MYT1L: variants seen among roughly 807,000 people sequenced by gnomAD.
MYT1L encodes myelin transcription factor 1-like protein.
Under a neutral mutation model 126.7 loss-of-function variants are expected in MYT1L, and 12 were observed. The ratio of observed to expected loss-of-function variants is 0.09; its 90% confidence interval spans 0.06 to 0.15. MYT1L has a LOEUF of 0.15. Among genes scored for constraint, MYT1L ranks in the 10% least tolerant of loss-of-function variants. MYT1L has a pLI of 1.00. For synonymous variants in MYT1L, 541 were observed against 604.2 expected, an observed-to-expected ratio of 0.90 and a Z score of 1.53; for missense variants, 979 against 1,585.2, an observed-to-expected ratio of 0.62 and a Z score of 6.49.
chr2:2,256,678 T>C (rs1351280892), intron 2 of MYT1L, among the ~76,000 whole-genome samples: 1 of 152,192 alleles, frequency 6.6e-6, no homozygotes, highest in Non-Finnish European at 1.5e-5. Flanking sequence ...TTGGGAATCG[T>C]GTGACAGTAC....
intron 3 of MYT1L, among the ~76,000 whole-genome samples, chr2:2,171,615 T>C (rs1238211250): frequency 6.6e-6 from 1 of 150,948 alleles, no homozygotes; most frequent in African/African-American, 2.4e-5. Flanking sequence ...TTTTTTCTTT[T>C]TGTCGTCGTC....
At chr2:1,834,945 A>G (rs560670400) in intron 21 of MYT1L, among the ~76,000 whole-genome samples, 1 of 114,194 alleles carries the variant, frequency 8.8e-6, no homozygotes, top group East Asian at 3.1e-4. Flanking sequence ...ACTCCTCCAC[A>G]TAACACGGGG....
At chr2:1,861,894 C>T (rs572170683) in intron 18 of MYT1L, among the ~76,000 whole-genome samples, 5 of 145,066 alleles carry the variant, frequency 3.4e-5, no homozygotes, top group South Asian at 2.2e-4. Flanking sequence ...CCTGGATCCT[C>T]CTACAGCCTG....
In MYT1L at chr2:1,886,618, G is replaced by A; in HGVS notation, c.2643-11C>T. On this transcript the variant is annotated splice_polypyrimidine_tract_variant and intron_variant, in intron 17 of 24. Transcript: ENST00000647738. Reference sequence around the variant, plus strand: ...GGGCAGCCAGACAGACTGTAAGACAGGCCGGGACAGGCAGGTCAGTCAACT... The same window carrying A: ...GGGCAGCCAGACAGACTGTAAGACAAGCCGGGACAGGCAGGTCAGTCAACT... The A allele has an allele frequency of 6.5e-7, 1 of 1,543,798 alleles. No individual in the cohort carries two copies. The highest frequency in any genetic ancestry group is 8.7e-7 in the Non-Finnish European group (1 of 1,145,708).
intron 5 of MYT1L, among the ~76,000 whole-genome samples, chr2:1,986,645 C>T (rs979889258): frequency 1.3e-5 from 2 of 152,080 alleles, no homozygotes; most frequent in African/African-American, 4.8e-5. Context: ...ACAGGTTGCC[C>T]AATTTACGTC....
At chr2:2,027,586 A>G (rs550733505) in intron 4 of MYT1L, among the ~76,000 whole-genome samples, 14 of 152,376 alleles carry the variant, frequency 9.2e-5, no homozygotes, top group African/African-American at 3.4e-4. Flanking sequence ...CTAATGTATC[A>G]TAGAAATGCA....
intron 9 of MYT1L, among the ~76,000 whole-genome samples, chr2:1,926,623 T>G (rs936658691): frequency 6.6e-6 from 1 of 152,204 alleles, no homozygotes; most frequent in Non-Finnish European, 1.5e-5. Flanking sequence ...AGTGCAGTGG[T>G]GCGATCTGAG....
intron 5 of MYT1L, among the ~76,000 whole-genome samples, chr2:1,990,520 T>C (rs2149560433): frequency 6.6e-6 from 1 of 152,138 alleles, no homozygotes; most frequent in South Asian, 2.1e-4. Flanking sequence ...TGGAGGGCAG[T>C]GGGGAAGAGT....
chr2:2,291,599 G>T (rs1283902824), intron 1 of MYT1L, among the ~76,000 whole-genome samples: 1 of 152,206 alleles, frequency 6.6e-6, no homozygotes, highest in Non-Finnish European at 1.5e-5. Flanking sequence ...AGAGGAAGCC[G>T]CTCAGTTCTA....
intron 3 of MYT1L, among the ~76,000 whole-genome samples, chr2:2,091,072 T>C (rs953473246): frequency 6.6e-6 from 1 of 152,246 alleles, no homozygotes; most frequent in Non-Finnish European, 1.5e-5. Flanking sequence ...TTCTCCAACC[T>C]TCTGTTAATG....
chr2:2,192,011 C>T (rs1356761990), intron 2 of MYT1L, among the ~76,000 whole-genome samples: 1 of 152,216 alleles, frequency 6.6e-6, no homozygotes, highest in East Asian at 1.9e-4. Context: ...AAGTAAGAGC[C>T]AATTAGTCCT....
At chr2:2,267,079 GA>G (rs2095150290) in intron 2 of MYT1L, among the ~76,000 whole-genome samples, 1 of 152,226 alleles carries the variant, frequency 6.6e-6, no homozygotes, top group Non-Finnish European at 1.5e-5. Flanking sequence ...GCCAGGTGGG[GA>G]AACTGAGCCA....
chr2:2,180,983 C>CCT (rs535068804), intron 2 of MYT1L, among the ~76,000 whole-genome samples: 16,161 of 123,774 alleles, frequency 0.13, 1,578 homozygotes, highest in African/African-American at 0.16. Context: ...TGTGTGTGTA[C>CCT]CTGTGTGTGC....
intron 2 of MYT1L, among the ~76,000 whole-genome samples, chr2:2,271,798 T>G (rs571185660): frequency 4.6e-5 from 7 of 152,184 alleles, no homozygotes; most frequent in Admixed American, 4.6e-4. Context: ...AAGGATGCCA[T>G]GCCCATGACC....
intron 22 of MYT1L, among the ~76,000 whole-genome samples, chr2:1,805,738 T>C (rs1435106929): frequency 6.6e-6 from 1 of 151,852 alleles, no homozygotes; most frequent in Non-Finnish European, 1.5e-5. Context: ...ATACAAAAAT[T>C]AGCTGAGTGT....
chr2:2,247,154 A>G (rs1465306101), intron 2 of MYT1L, among the ~76,000 whole-genome samples: 4 of 152,234 alleles, frequency 2.6e-5, no homozygotes, highest in Non-Finnish European at 5.9e-5. Context: ...AACTTTACCT[A>G]TAAAGATACA....
At chr2:2,076,143 CT>C (rs532036609) in intron 3 of MYT1L, among the ~76,000 whole-genome samples, 130 of 152,294 alleles carry the variant, frequency 8.5e-4, no homozygotes, top group African/African-American at 3.0e-3. Flanking sequence ...AAACAGAAGC[CT>C]GGCTGGGAGT....
chr2:1,812,095 C>T (rs1184236452), intron 21 of MYT1L, among the ~76,000 whole-genome samples: 1 of 152,210 alleles, frequency 6.6e-6, no homozygotes, highest in Non-Finnish European at 1.5e-5. Context: ...CATCTTCCTG[C>T]AGGTGTGTCT....
At chr2:2,032,909 G>C (rs1042379214) in intron 4 of MYT1L, among the ~76,000 whole-genome samples, 4 of 140,816 alleles carry the variant, frequency 2.8e-5, no homozygotes, top group African/African-American at 1.1e-4. Flanking sequence ...GCAGATTCTA[G>C]AAGGAGGGCC....
Sources: gnomAD v4.1 joint callset for allele counts (sites outside exome capture counted in the v4.1 genomes callset) on GRCh38, gnomAD v4.1.1 for gene constraint, MANE v1.5 for transcripts, NCBI Gene and HGNC (gene_info 2026-07-23, HGNC 2026-07-21) for gene names.